Variants in POF1B observed in about 807,000 individuals in gnomAD.
POF1B encodes POF1B actin binding protein.
In POF1B, 53 loss-of-function variants were observed where a neutral mutation model predicts 55.3. The ratio of observed to expected loss-of-function variants is 0.96; its 90% CI spans 0.77 to 1.20. The LOEUF is 1.20. Among genes scored for constraint, POF1B ranks in the 50% most tolerant of loss-of-function variants. The pLI is 0.00. For synonymous variants in POF1B, 188 were observed against 148.3 expected (o/e 1.27, Z -1.95); for missense variants, 478 against 420.5 (o/e 1.14, Z -1.20).
chrX:85,323,272 A>G (rs897729008), intron 7 of POF1B, among the ~76,000 whole-genome samples: 14 of 111,489 alleles, frequency 1.3e-4, no homozygotes, highest in African/African-American at 4.3e-4. Context: ...GCCATAAAAA[A>G]TGATGAGTTC....
chrX:85,340,173 C>G (rs1162749014), intron 6 of POF1B, among the ~76,000 whole-genome samples: 1 of 110,921 alleles, frequency 9.0e-6, no homozygotes, highest in Non-Finnish European at 1.9e-5. Context: ...GGCTGTTTAA[C>G]AATGGTGGGA....
chrX:85,348,618 G>T (rs1216102333), intron 5 of POF1B, among the ~76,000 whole-genome samples: 1 of 111,413 alleles, frequency 9.0e-6, no homozygotes, highest in Non-Finnish European at 1.9e-5. Context: ...CAATGCAATT[G>T]CAGTTTGCTC....
chrX:85,318,043 G>A lies in POF1B; in HGVS notation c.855-2309C>T, dbSNP rs143580184. ...ATGAGAACATATGGACACATAGAGGGGGAACAACACATACTGGGGCCTATT... is the reference window on the plus strand; with the variant it reads ...ATGAGAACATATGGACACATAGAGGAGGAACAACACATACTGGGGCCTATT... On this transcript the variant is annotated intron_variant, in intron 7 of 16. Transcript: ENST00000262753. Among the ~76,000 whole-genome samples, 573 of 110,952 alleles carry A rather than the reference G, an allele frequency of 5.2e-3. 4 individuals carry two copies. The highest frequency in any genetic ancestry group is 0.018 in the African/African-American group (549 of 30,527).
intron 1 of POF1B, 48 bp from the exon 2 acceptor site, chrX:85,379,543 A>G: frequency 1.0e-6 from 1 of 969,395 alleles, no homozygotes; most frequent in Non-Finnish European, 1.4e-6. Flanking sequence ...ACAGGCAAGC[A>G]GGCAGTCAGG....
At chrX:85,288,426 G>T (rs995720801) in intron 15 of POF1B, among the ~76,000 whole-genome samples, 2 of 111,415 alleles carry the variant, frequency 1.8e-5, no homozygotes, top group African/African-American at 6.5e-5. Context: ...GCAAGCCAAG[G>T]AGATCATAGA....
chrX:85,324,289 T>TGA (rs1194052989), intron 7 of POF1B, among the ~76,000 whole-genome samples: 1 of 111,373 alleles, frequency 9.0e-6, no homozygotes, highest in East Asian at 2.8e-4. Context: ...TCTGTCTTGC[T>TGA]GATATGTCTA....
chrX:85,282,565 G>A (rs1221783596), intron 15 of POF1B, among the ~76,000 whole-genome samples: 1 of 111,360 alleles, frequency 9.0e-6, no homozygotes, highest in Non-Finnish European at 1.9e-5. Context: ...GGCAGCACAG[G>A]ACAGTGACCC....
intron 7 of POF1B, among the ~76,000 whole-genome samples, chrX:85,328,440 G>A (rs1238072978): frequency 1.8e-5 from 2 of 110,270 alleles, no homozygotes; most frequent in African/African-American, 6.6e-5. Flanking sequence ...TCCTGACCTC[G>A]GGATCCGCCC....
chrX:85,365,272 C>A (rs1160618384), intron 3 of POF1B, among the ~76,000 whole-genome samples: 1 of 111,970 alleles, frequency 8.9e-6, no homozygotes, highest in Non-Finnish European at 1.9e-5. Flanking sequence ...CCAGTTCAGG[C>A]TGGTTAAGAA....
chrX:85,352,000 A>G, intron 4 of POF1B, among the ~76,000 whole-genome samples: 1 of 110,935 alleles, frequency 9.0e-6, no homozygotes, highest in Non-Finnish European at 1.9e-5. Context: ...AGAACAACAT[A>G]CGTTTTGAAT....
chrX:85,374,975 A>G (rs776601026), intron 2 of POF1B, among the ~76,000 whole-genome samples: 1 of 112,030 alleles, frequency 8.9e-6, no homozygotes, highest in Admixed American at 9.5e-5. Flanking sequence ...CAAAGAAAGC[A>G]ACCGAATGTA....
chrX:85,370,333 A>C (rs1438925020), intron 2 of POF1B, among the ~76,000 whole-genome samples: 1 of 112,002 alleles, frequency 8.9e-6, no homozygotes, highest in Non-Finnish European at 1.9e-5. Flanking sequence ...ATTATAATGT[A>C]CTCAATTATT....
At chrX:85,316,301 A>G (rs1569285807) in intron 7 of POF1B, among the ~76,000 whole-genome samples, 1 of 111,873 alleles carries the variant, frequency 8.9e-6, no homozygotes, top group Non-Finnish European at 1.9e-5. Context: ...CAAAGCATTA[A>G]GCAAAATGAT....
chrX:85,304,514 T>C, intron 13 of POF1B, 43 bp from the exon 14 acceptor site: 1 of 859,425 alleles, frequency 1.2e-6, no homozygotes, highest in African/African-American at 2.1e-5. Flanking sequence ...AATCTTCATA[T>C]AGAAAATGTG....
At chrX:85,350,858 T>A (rs1933369742) in intron 5 of POF1B, among the ~76,000 whole-genome samples, 1 of 111,580 alleles carries the variant, frequency 9.0e-6, no homozygotes, top group Admixed American at 9.6e-5. Context: ...AGTTTTATAC[T>A]TGGTCTGTCG....
At chrX:85,303,299 A>G (rs1932498261) in intron 15 of POF1B, 107 bp downstream of exon 15, 2 of 469,687 alleles carry the variant, frequency 4.3e-6, no homozygotes, top group Non-Finnish European at 6.8e-6. Context: ...ACTGGCCAGC[A>G]GAAAACACCA....
chrX:85,355,063 C>A (rs1014042707), intron 4 of POF1B, among the ~76,000 whole-genome samples: 1 of 111,530 alleles, frequency 9.0e-6, no homozygotes, highest in African/African-American at 3.3e-5. Context: ...AACTATACTA[C>A]AAGGCTACAG....
chrX:85,356,323 G>C (rs183353345), intron 4 of POF1B, among the ~76,000 whole-genome samples: 4 of 107,630 alleles, frequency 3.7e-5, no homozygotes, highest in Non-Finnish European at 7.7e-5. Context: ...GTGGAGGGAG[G>C]GGGGGATAGC....
chrX:85,366,029 T>G (rs906036258), intron 3 of POF1B, among the ~76,000 whole-genome samples: 9 of 111,342 alleles, frequency 8.1e-5, no homozygotes, highest in Non-Finnish European at 1.3e-4. Flanking sequence ...AAATCACACT[T>G]ATAGAAAAAT....
Sources: gnomAD v4.1 joint callset for allele counts (sites outside exome capture counted in the v4.1 genomes callset) on GRCh38, gnomAD v4.1.1 for gene constraint, MANE v1.5 for transcripts, NCBI Gene and HGNC (gene_info 2026-07-23, HGNC 2026-07-21) for gene names.